ZNF423: variants seen among roughly 807,000 people sequenced by gnomAD.
ZNF423 encodes Ebf-associated zinc finger protein.
Under a neutral mutation model 95.8 loss-of-function variants are expected in ZNF423, and 12 were observed. The observed-to-expected ratio is 0.13, with a 90% CI of 0.08 to 0.20. The LOEUF is 0.20. ZNF423 is among the 10% of genes least tolerant of loss of function. ZNF423 has a pLI of 1.00. For missense variants in ZNF423, 1,316 were observed against 1,737.1 expected (o/e 0.76, Z 4.31); for synonymous variants, 749 against 711.9 (o/e 1.05, Z -0.83).
intron 2 of ZNF423, among the ~76,000 whole-genome samples, chr16:49,753,580 G>T (rs2033670311): frequency 6.6e-6 from 1 of 151,256 alleles, no homozygotes; most frequent in African/African-American, 2.4e-5. Context: ...TCCAGCCTGG[G>T]CAACAGAGTA....
At chr16:49,585,074 A>ATGACCC (rs1283608899) in intron 5 of ZNF423, among the ~76,000 whole-genome samples, 1 of 152,168 alleles carries the variant, frequency 6.6e-6, no homozygotes, top group Non-Finnish European at 1.5e-5. Flanking sequence ...TTCAGGGGCA[A>ATGACCC]TGACCCTGAC....
At chr16:49,759,806 A>C (rs1445598090) in intron 2 of ZNF423, among the ~76,000 whole-genome samples, 10 of 152,140 alleles carry the variant, frequency 6.6e-5, no homozygotes. Flanking sequence ...CCTCCTTCAG[A>C]CGTCACAGGA....
intron 7 of ZNF423, chr16:49,517,929 A>G (rs759721115): frequency 2.2e-6 from 1 of 453,248 alleles, no homozygotes; most frequent in Non-Finnish European, 4.4e-6. Flanking sequence ...AAATGTAGAA[A>G]CTGATCAAAA....
chr16:49,550,783 T>C (rs1381162103), intron 5 of ZNF423, among the ~76,000 whole-genome samples: 1 of 152,242 alleles, frequency 6.6e-6, no homozygotes, highest in African/African-American at 2.4e-5. Context: ...ATTTTGGGGA[T>C]GTGGCCGGCC....
intron 1 of ZNF423, chr16:49,854,847 T>G: frequency 1.1e-5 from 11 of 985,274 alleles, no homozygotes; most frequent in Non-Finnish European, 1.3e-5. Context: ...TATCTATATA[T>G]CTGCAGCTCC....
intron 3 of ZNF423, among the ~76,000 whole-genome samples, chr16:49,643,895 G>A (rs1203253741): frequency 2.6e-5 from 4 of 152,214 alleles, no homozygotes; most frequent in Non-Finnish European, 5.9e-5. Context: ...CACGTCAGCA[G>A]CAGAAAGAGC....
rs1967543004 is a variant in ZNF423, at chr16:49,504,257, C to G, written c.3850-12953G>C. ...AGTGGTTAAGATGGTAAATTTTATG[C>G]TACGTGAATTTTTACAATGAAAAAC... On this transcript the variant is annotated intron_variant, in intron 7 of 7. Transcript: ENST00000563137. 2.0e-5 allele frequency among the ~76,000 whole-genome samples: 3 copies of G among 152,148 alleles called. No individual in the cohort carries two copies. The South Asian group carries it at 6.2e-4, about 32-fold the overall frequency.
intron 1 of ZNF423, among the ~76,000 whole-genome samples, chr16:49,797,264 G>T (rs12919628): frequency 6.6e-6 from 1 of 152,124 alleles, no homozygotes; most frequent in Admixed American, 6.5e-5. Context: ...CAAGCAGGTA[G>T]AGCGGTATAG....
intron 2 of ZNF423, chr16:49,731,409 C>T (rs1567316690): frequency 2.0e-6 from 2 of 982,826 alleles, no homozygotes; most frequent in Non-Finnish European, 2.4e-6. Context: ...TTCCACACAA[C>T]AGGCCTCCCA....
chr16:49,698,265 C>T (rs1456853817), intron 3 of ZNF423, among the ~76,000 whole-genome samples: 1 of 151,674 alleles, frequency 6.6e-6, no homozygotes, highest in Non-Finnish European at 1.5e-5. Flanking sequence ...TCCCGCCCCC[C>T]GAAGCAAGGA....
At chr16:49,510,077 C>T (rs1210341696) in intron 7 of ZNF423, among the ~76,000 whole-genome samples, 1 of 152,228 alleles carries the variant, frequency 6.6e-6, no homozygotes, top group African/African-American at 2.4e-5. Context: ...GGCTTAAACT[C>T]GCTGTTGAGC....
At chr16:49,627,776 A>C (rs1972350478) in intron 4 of ZNF423, among the ~76,000 whole-genome samples, 1 of 141,660 alleles carries the variant, frequency 7.1e-6, no homozygotes, top group Admixed American at 7.1e-5. Flanking sequence ...CCACCCATCC[A>C]CCCATCTACA....
chr16:49,822,843 C>T (rs1411559376), intron 1 of ZNF423: 2 of 801,072 alleles, frequency 2.5e-6, no homozygotes, highest in South Asian at 2.1e-5. Flanking sequence ...CAAACTGAGG[C>T]TCAGACTACT....
intron 5 of ZNF423, among the ~76,000 whole-genome samples, chr16:49,566,601 C>G (rs149750283): frequency 6.6e-6 from 1 of 152,204 alleles, no homozygotes; most frequent in African/African-American, 2.4e-5. Flanking sequence ...AGAATTGATA[C>G]GGCAGCAGCT....
intron 3 of ZNF423, among the ~76,000 whole-genome samples, chr16:49,651,526 G>A (rs9929065): frequency 0.52 from 78,730 of 151,926 alleles, 21,282 homozygotes; most frequent in South Asian, 0.67. Context: ...GCTGAGAGCC[G>A]GCAGCAGGGC....
chr16:49,853,701 C>G (rs780521805), intron 1 of ZNF423: 7 of 985,376 alleles, frequency 7.1e-6, no homozygotes, highest in Non-Finnish European at 8.4e-6. Context: ...AGGCTCATTT[C>G]ATGAAAGGCT....
At chr16:49,820,103 T>A (rs1272113591) in intron 1 of ZNF423, among the ~76,000 whole-genome samples, 2 of 151,816 alleles carry the variant, frequency 1.3e-5, no homozygotes, top group Non-Finnish European at 2.9e-5. Flanking sequence ...GATGAATGGA[T>A]GGACAGATGG....
At chr16:49,610,604 A>G (rs1971693069) in intron 5 of ZNF423, among the ~76,000 whole-genome samples, 1 of 152,142 alleles carries the variant, frequency 6.6e-6, no homozygotes, top group South Asian at 2.1e-4. Flanking sequence ...ACAGAAAGGA[A>G]AAAAGTAAAC....
chr16:49,770,114 G>A (rs1284655117), intron 2 of ZNF423, among the ~76,000 whole-genome samples: 1 of 152,218 alleles, frequency 6.6e-6, no homozygotes, highest in Non-Finnish European at 1.5e-5. Flanking sequence ...GCACAGCAGA[G>A]ACTTTGTCAG....
Sources: allele counts gnomAD v4.1 joint callset (sites outside exome capture counted in the v4.1 genomes callset), GRCh38; gene constraint gnomAD v4.1.1; transcripts MANE v1.5; gene names NCBI Gene and HGNC (gene_info 2026-07-23, HGNC 2026-07-21).